Variants in MARCHF5 observed in about 807,000 individuals in gnomAD.
MARCHF5 encodes E3 ubiquitin-protein ligase MARCHF5.
A neutral mutation model predicts 36.5 loss-of-function variants in MARCHF5; 5 were observed. The ratio of observed to expected loss-of-function variants is 0.14; its 90% CI spans 0.07 to 0.29. The LOEUF (loss-of-function observed/expected upper bound fraction) is 0.29, where lower values mean the gene tolerates loss of function less well. Among genes scored for constraint, MARCHF5 ranks in the 10% least tolerant of loss-of-function variants. The pLI is 1.00. For missense variants in MARCHF5, 179 were observed against 336.3 expected, an observed-to-expected ratio of 0.53 and a Z score of 3.66; for synonymous variants, 103 against 109.9, an observed-to-expected ratio of 0.94 and a Z score of 0.39.
intron 2 of MARCHF5, among the ~76,000 whole-genome samples, chr10:92,315,344 G>C (rs762180088): frequency 6.6e-6 from 1 of 152,232 alleles, no homozygotes; most frequent in Non-Finnish European, 1.5e-5. Context: ...TCTGATGATA[G>C]AATTTTGCCA....
rs1055225401 is a variant in MARCHF5 at position 92,353,685 on chromosome 10, G to C, written c.*2478G>C. ...GTTTATTTTCATATTTCTTTACTGT[G>C]TTATTTCTGGAAACTTTAATGTTTT... On this transcript the variant is annotated 3_prime_UTR_variant, in exon 6 of 6. Transcript: ENST00000358935. 1 of 152,518 alleles carries C rather than the reference G, an allele frequency of 6.6e-6. No homozygotes were observed. Among genetic ancestry groups the C allele is most frequent in the East Asian group, 1.9e-4 (1 of 5,182 alleles). 9.4% of individuals were successfully genotyped at this position (152,518 alleles called of 1,614,324 possible).
intron 1 of MARCHF5, among the ~76,000 whole-genome samples, chr10:92,296,095 G>A (rs1269752458): frequency 6.6e-6 from 1 of 151,706 alleles, no homozygotes; most frequent in African/African-American, 2.4e-5. Flanking sequence ...GGCTGGTCTC[G>A]AGCTCCTGAC....
Position 92,308,662 on chromosome 10 carries a change from G to GA in MARCHF5, c.36-2465dup, listed in dbSNP as rs536436768. On this transcript the variant is annotated intron_variant, in intron 1 of 5. Transcript: ENST00000358935. ...TTTACCATAGTTGTGAAATTAATTA[G>GA]AAAAAAAACTGAAAGTGCATAAGTG... 53 of 148,852 alleles carry GA rather than the reference G, an allele frequency of 3.6e-4. 2 individuals carry two copies. In the South Asian group the frequency reaches 0.011, roughly 30 times the overall value. 9.2% of individuals were successfully genotyped at this position (148,852 alleles called of 1,614,324 possible).
At chr10:92,300,844 T>G (rs1186746817) in intron 1 of MARCHF5, among the ~76,000 whole-genome samples, 1 of 152,050 alleles carries the variant, frequency 6.6e-6, no homozygotes, top group East Asian at 1.9e-4. Context: ...TATTTTTCTC[T>G]TCTTCTCCAG....
chr10:92,304,215 A>G (rs1411900023), intron 1 of MARCHF5, among the ~76,000 whole-genome samples: 2 of 152,180 alleles, frequency 1.3e-5, no homozygotes, highest in Non-Finnish European at 2.9e-5. Flanking sequence ...GCATCCATAA[A>G]TTTTAGGAAC....
chr10:92,337,964 AG>A lies in MARCHF5; in HGVS notation c.239-2707del, dbSNP rs571797168. On this transcript the variant is annotated intron_variant, in intron 2 of 5. Coordinates refer to ENST00000358935, the MANE Select transcript of MARCHF5 (RefSeq NM_017824.5). The stretch of plus-strand genomic sequence containing the variant: ...TGAAGTGGGAGGATTGCTTGAGCCT[AG>A]GAGTTCCAGACCAGCCTGGGCAACA... Among the ~76,000 whole-genome samples the A allele has an allele frequency of 1.8e-3, 274 of 151,628 alleles. 1 individual carries two copies. Among genetic ancestry groups the A allele is most frequent in the African/African-American group, 6.4e-3 (266 of 41,326 alleles).
At chr10:92,343,030 A>G (rs911793103) in intron 3 of MARCHF5, among the ~76,000 whole-genome samples, 9 of 152,362 alleles carry the variant, frequency 5.9e-5, no homozygotes, top group African/African-American at 2.2e-4. Context: ...ACAGTGAAAC[A>G]TATCTGACAT....
chr10:92,304,279 A>C (rs1415510312), intron 1 of MARCHF5, among the ~76,000 whole-genome samples: 1 of 152,164 alleles, frequency 6.6e-6, no homozygotes, highest in East Asian at 1.9e-4. Flanking sequence ...TGTTATTGCT[A>C]GTGGTCATAT....
At chr10:92,346,033 A>G (rs999875115) in intron 3 of MARCHF5, among the ~76,000 whole-genome samples, 1 of 152,132 alleles carries the variant, frequency 6.6e-6, no homozygotes, top group Non-Finnish European at 1.5e-5. Context: ...TAGACATTCT[A>G]TATAATTCCT....
chr10:92,336,351 C>T (rs1457056189), intron 2 of MARCHF5, among the ~76,000 whole-genome samples: 1 of 151,972 alleles, frequency 6.6e-6, no homozygotes, highest in Non-Finnish European at 1.5e-5. Context: ...GCTTATTTTC[C>T]GATGCAAAAA....
intron 1 of MARCHF5, among the ~76,000 whole-genome samples, chr10:92,299,144 T>C (rs1842982803): frequency 6.6e-6 from 1 of 152,154 alleles, no homozygotes; most frequent in African/African-American, 2.4e-5. Context: ...TTTGCTGCCT[T>C]CTTTCCTTCC....
At chr10:92,308,087 C>A (rs868109266) in intron 1 of MARCHF5, among the ~76,000 whole-genome samples, 5 of 151,850 alleles carry the variant, frequency 3.3e-5, no homozygotes, top group Non-Finnish European at 7.4e-5. Flanking sequence ...ACTACAGGCA[C>A]CTGCCACCAC....
At chr10:92,336,111 C>T (rs565327753) in intron 2 of MARCHF5, among the ~76,000 whole-genome samples, 5 of 152,212 alleles carry the variant, frequency 3.3e-5, no homozygotes, top group Non-Finnish European at 7.3e-5. Context: ...TCTCAGCTCA[C>T]TGCAACCTCT....
intron 2 of MARCHF5, among the ~76,000 whole-genome samples, chr10:92,319,573 C>T (rs535882818): frequency 5.3e-5 from 8 of 152,006 alleles, no homozygotes; most frequent in South Asian, 2.1e-4. Flanking sequence ...GGATTACAGG[C>T]GTGAGCCACC....
intron 1 of MARCHF5, among the ~76,000 whole-genome samples, chr10:92,299,830 C>T (rs1590644673): frequency 6.6e-6 from 1 of 152,088 alleles, no homozygotes; most frequent in African/African-American, 2.4e-5. Flanking sequence ...AATAATCATG[C>T]AGAAGCACCA....
At chr10:92,340,982 C>A (rs566043786) in intron 3 of MARCHF5, among the ~76,000 whole-genome samples, 179 bp downstream of exon 3, 1 of 152,264 alleles carries the variant, frequency 6.6e-6, no homozygotes, top group African/African-American at 2.4e-5. Context: ...GCTGTATCTC[C>A]CTTTTTTCAT....
intron 1 of MARCHF5, chr10:92,308,708 T>TTTTTTG (rs1491252719): frequency 0.016 from 7 of 432 alleles, no homozygotes; most frequent in Non-Finnish European, 0.25. Flanking sequence ...TTGTTTTTTG[T>TTTTTTG]TTTTTTTTTT....
At chr10:92,342,159 G>A (rs986378104) in intron 3 of MARCHF5, among the ~76,000 whole-genome samples, 4 of 130,054 alleles carry the variant, frequency 3.1e-5, no homozygotes, top group African/African-American at 5.9e-5. Flanking sequence ...CCCACAAACC[G>A]CCCCCCGACA....
At chr10:92,328,159 T>C (rs1364023093) in intron 2 of MARCHF5, among the ~76,000 whole-genome samples, 2 of 152,030 alleles carry the variant, frequency 1.3e-5, no homozygotes, top group African/African-American at 4.8e-5. Flanking sequence ...GAAACTGTCA[T>C]AGCCAAGAGG....
Sources: allele counts gnomAD v4.1 joint callset (sites outside exome capture counted in the v4.1 genomes callset), GRCh38; gene constraint gnomAD v4.1.1; transcripts MANE v1.5; gene names NCBI Gene and HGNC (gene_info 2026-07-23, HGNC 2026-07-21).